GRID1: variants seen among roughly 807,000 people sequenced by gnomAD.
GRID1 encodes the protein glutamate receptor ionotropic, delta-1.
Under a neutral mutation model 98.0 loss-of-function variants are expected in GRID1, and 28 were observed. The observed-to-expected ratio is 0.29, with a 90% CI of 0.21 to 0.39. The LOEUF is 0.39. GRID1 is among the 10% of genes least tolerant of loss of function. The pLI is 1.00. For missense variants in GRID1, 1,111 were observed against 1,340.5 expected, an observed-to-expected ratio of 0.83 and a Z score of 2.67; for synonymous variants, 553 against 538.5, an observed-to-expected ratio of 1.03 and a Z score of -0.37.
At chr10:85,930,904 C>G (rs537490785) in intron 4 of GRID1, among the ~76,000 whole-genome samples, 1 of 152,162 alleles carries the variant, frequency 6.6e-6, no homozygotes, top group African/African-American at 2.4e-5. Flanking sequence ...TGCAGTGGTG[C>G]GATCATGACT....
Position 86,090,741 on chromosome 10 carries a change from C to T in GRID1, c.726+48078G>A, listed in dbSNP as rs548803649. Among the ~76,000 whole-genome samples the T allele has an allele frequency of 1.3e-3, 196 of 152,260 alleles. 1 individual carries two copies. The highest frequency in any genetic ancestry group is 4.6e-3 in the African/African-American group (192 of 41,542). On this transcript the variant is annotated intron_variant, in intron 4 of 15. Transcript: ENST00000327946. ...GACTCCAAGAACAAACCAGCAATTC[C>T]GAGAGGACCCACAGACCCTCTGAAG...
intron 4 of GRID1, among the ~76,000 whole-genome samples, chr10:86,095,374 G>C (rs145821162): frequency 1.4e-4 from 21 of 152,288 alleles, no homozygotes; most frequent in African/African-American, 4.8e-4. Flanking sequence ...TTGAACTAAA[G>C]AGCTTTTGCA....
intron 8 of GRID1, among the ~76,000 whole-genome samples, chr10:85,745,723 TAAAAA>T (rs143199820): frequency 0.021 from 2,797 of 131,444 alleles, 75 homozygotes; most frequent in African/African-American, 0.063. Flanking sequence ...AAAGTATAAT[TAAAAA>T]AAAAAAAAAA....
chr10:85,775,242 C>T (rs12218950), intron 8 of GRID1, among the ~76,000 whole-genome samples: 7,915 of 148,790 alleles, frequency 0.053, 358 homozygotes, highest in African/African-American at 0.12. Flanking sequence ...AACCAAACAC[C>T]ACATATTCTC....
intron 4 of GRID1, among the ~76,000 whole-genome samples, chr10:85,947,338 G>A (rs563022725): frequency 6.6e-6 from 1 of 152,360 alleles, no homozygotes; most frequent in East Asian, 1.9e-4. Flanking sequence ...GGGACTGGAG[G>A]TGGTGTGGGG....
intron 4 of GRID1, among the ~76,000 whole-genome samples, chr10:86,075,761 G>C (rs1843872525): frequency 6.6e-6 from 1 of 152,220 alleles, no homozygotes; most frequent in African/African-American, 2.4e-5. Context: ...ACACGCAGAG[G>C]ACCCTCTGCT....
intron 4 of GRID1, among the ~76,000 whole-genome samples, chr10:86,059,009 G>A (rs192658095): frequency 2.0e-5 from 3 of 152,348 alleles, no homozygotes; most frequent in Admixed American, 2.0e-4. Flanking sequence ...ATCTCATCTA[G>A]GGACCAGAGG....
At chr10:85,868,316 C>T (rs1178029201) in intron 6 of GRID1, among the ~76,000 whole-genome samples, 2 of 152,236 alleles carry the variant, frequency 1.3e-5, no homozygotes, top group Non-Finnish European at 2.9e-5. Context: ...CTCCACACTA[C>T]TTCCCTGTTG....
intron 5 of GRID1, among the ~76,000 whole-genome samples, chr10:85,915,468 C>T (rs1021922572): frequency 6.6e-6 from 1 of 151,928 alleles, no homozygotes; most frequent in Non-Finnish European, 1.5e-5. Context: ...CTTGTACATG[C>T]ACAATCACAC....
chr10:85,786,045 TACAC>T (rs1375824690), intron 8 of GRID1, among the ~76,000 whole-genome samples: 1 of 151,872 alleles, frequency 6.6e-6, no homozygotes, highest in East Asian at 1.9e-4. Flanking sequence ...CACAGACACA[TACAC>T]ACCATATACA....
At chr10:86,089,566 C>T (rs1222847016) in intron 4 of GRID1, among the ~76,000 whole-genome samples, 2 of 152,142 alleles carry the variant, frequency 1.3e-5, no homozygotes, top group Non-Finnish European at 2.9e-5. Context: ...AGAACTCAAA[C>T]TGAATCAATC....
intron 12 of GRID1, among the ~76,000 whole-genome samples, chr10:85,666,206 C>A (rs750211828): frequency 7.2e-5 from 11 of 152,148 alleles, no homozygotes; most frequent in Non-Finnish European, 4.4e-5. Context: ...ATTTTATAGG[C>A]AAGGACACTG....
At chr10:85,824,292 A>G (rs1226503174) in intron 8 of GRID1, among the ~76,000 whole-genome samples, 2 of 152,052 alleles carry the variant, frequency 1.3e-5, no homozygotes, top group Non-Finnish European at 2.9e-5. Flanking sequence ...GCTCACTGCA[A>G]CCTCCACCTC....
intron 4 of GRID1, among the ~76,000 whole-genome samples, chr10:85,927,689 G>A (rs1432779492): frequency 2.6e-5 from 4 of 152,012 alleles, no homozygotes; most frequent in African/African-American, 9.7e-5. Context: ...TTCTTTGTTC[G>A]AGAAACACAT....
In GRID1 at chr10:85,875,287, T is replaced by C. The variant is rs73342526; in HGVS notation, c.781-6107A>G. Reference sequence around the variant, plus strand: ...ATTTCTAGTAACACATCTTGCCTTATGGTCTATTGTGTCTGATATTAATAT... The same window carrying C: ...ATTTCTAGTAACACATCTTGCCTTACGGTCTATTGTGTCTGATATTAATAT... On this transcript the variant is annotated intron_variant, in intron 5 of 15. Transcript: ENST00000327946. 9.6e-3 allele frequency among the ~76,000 whole-genome samples: 1,463 copies of C among 152,268 alleles called. 32 individuals carry two copies. Among genetic ancestry groups the C allele is most frequent in the African/African-American group, 0.033 (1,384 of 41,546 alleles).
intron 8 of GRID1, among the ~76,000 whole-genome samples, chr10:85,842,562 C>T (rs1842970737): frequency 1.3e-5 from 2 of 151,820 alleles, no homozygotes; most frequent in South Asian, 4.2e-4. Flanking sequence ...TCAGGAATAA[C>T]ACAAGAGATA....
intron 3 of GRID1, among the ~76,000 whole-genome samples, chr10:86,152,654 TC>T (rs1845185645): frequency 6.6e-6 from 1 of 152,150 alleles, no homozygotes; most frequent in African/African-American, 2.4e-5. Context: ...GCTCTTAAGC[TC>T]CCTGAGCCTC....
intron 2 of GRID1, among the ~76,000 whole-genome samples, chr10:86,317,012 G>C (rs1589447375): frequency 6.6e-6 from 1 of 152,166 alleles, no homozygotes; most frequent in South Asian, 2.1e-4. Flanking sequence ...TAAAAGTACG[G>C]CCTTGGCAAT....
chr10:86,236,958 T>C (rs1284501532), intron 2 of GRID1, among the ~76,000 whole-genome samples: 1 of 151,766 alleles, frequency 6.6e-6, no homozygotes, highest in Non-Finnish European at 1.5e-5. Flanking sequence ...TGCTGGGAGG[T>C]AGACGTGGTG....
Sources: allele counts gnomAD v4.1 joint callset (sites outside exome capture counted in the v4.1 genomes callset), GRCh38; gene constraint gnomAD v4.1.1; transcripts MANE v1.5; gene names NCBI Gene and HGNC (gene_info 2026-07-23, HGNC 2026-07-21).